CTNND2: variants seen among roughly 807,000 people sequenced by gnomAD.
CTNND2 encodes the protein catenin delta 2.
CTNND2 carries 22 observed loss-of-function variants against 144.4 expected under a neutral mutation model. The ratio of observed to expected loss-of-function variants is 0.15; its 90% CI spans 0.11 to 0.22. The LOEUF is 0.22. Among genes scored for constraint, CTNND2 ranks in the 10% least tolerant of loss-of-function variants. The pLI is 1.00. For missense variants in CTNND2, 1,353 were observed against 1,618.8 expected, an observed-to-expected ratio of 0.84 and a Z score of 2.82; for synonymous variants, 751 against 695.6, an observed-to-expected ratio of 1.08 and a Z score of -1.25.
intron 15 of CTNND2, chr5:11,083,877 T>C: frequency 8.9e-7 from 1 of 1,118,572 alleles, no homozygotes. Flanking sequence ...GAGCTGGCTC[T>C]CACCTGTGGC....
At chr5:11,568,541 G>GTT (rs1177548747) in intron 2 of CTNND2, among the ~76,000 whole-genome samples, 23 of 152,192 alleles carry the variant, frequency 1.5e-4, no homozygotes, top group Admixed American at 1.3e-4. Flanking sequence ...AACAAGAAGA[G>GTT]CTAGAATGGA....
intron 12 of CTNND2, among the ~76,000 whole-genome samples, chr5:11,122,259 A>T (rs1232729326): frequency 6.6e-6 from 1 of 152,184 alleles, no homozygotes; most frequent in African/African-American, 2.4e-5. Context: ...AAAAAAAAAA[A>T]ATAGAAGATG....
intron 15 of CTNND2, among the ~76,000 whole-genome samples, chr5:11,086,207 T>C (rs1217293669): frequency 1.3e-5 from 2 of 152,068 alleles, no homozygotes; most frequent in African/African-American, 4.8e-5. Context: ...GAGGAGGTGG[T>C]TGGATTTCAG....
chr5:11,307,763 GCCTGTTAAAAGT>G (rs1750403924), intron 9 of CTNND2, among the ~76,000 whole-genome samples: 1 of 152,158 alleles, frequency 6.6e-6, no homozygotes, highest in Non-Finnish European at 1.5e-5. Context: ...TCATAGTGCT[GCCTGTTAAAAGT>G]CCTGCTTTAG....
chr5:11,600,705 CAAAA>C (rs755277116), intron 2 of CTNND2, among the ~76,000 whole-genome samples: 1 of 80,604 alleles, frequency 1.2e-5, no homozygotes. Context: ...GATTCTGTCT[CAAAA>C]AAAAAAAAAA....
At chr5:11,232,179 T>C (rs528588081) in intron 10 of CTNND2, among the ~76,000 whole-genome samples, 1 of 152,236 alleles carries the variant, frequency 6.6e-6, no homozygotes, top group Non-Finnish European at 1.5e-5. Context: ...CCTCTGCTAG[T>C]GCAGTGAGGA....
chr5:11,240,842 A>C (rs1742328117), intron 9 of CTNND2, among the ~76,000 whole-genome samples: 1 of 135,368 alleles, frequency 7.4e-6, no homozygotes, highest in African/African-American at 2.8e-5. Flanking sequence ...ACCCCCCAAC[A>C]CACACCCAAC....
chr5:11,231,179 G>A (rs1740969097), intron 10 of CTNND2, among the ~76,000 whole-genome samples: 1 of 152,084 alleles, frequency 6.6e-6, no homozygotes, highest in Non-Finnish European at 1.5e-5. Context: ...ATGATTGTAA[G>A]TTTTCTGAGG....
chr5:11,105,853 T>C (rs1752370455), intron 14 of CTNND2, among the ~76,000 whole-genome samples: 1 of 152,044 alleles, frequency 6.6e-6, no homozygotes, highest in Non-Finnish European at 1.5e-5. Context: ...TCCCAGCATA[T>C]GGTGAGGTGA....
chr5:10,986,070 T>C (rs148978317), intron 20 of CTNND2, among the ~76,000 whole-genome samples: 186 of 152,342 alleles, frequency 1.2e-3, no homozygotes, highest in African/African-American at 4.3e-3. Flanking sequence ...TCTTTCTGGC[T>C]TGCTACATGA....
At chr5:11,163,323 G>A (rs1413441265) in intron 11 of CTNND2, among the ~76,000 whole-genome samples, 1 of 152,182 alleles carries the variant, frequency 6.6e-6, no homozygotes, top group Admixed American at 6.5e-5. Context: ...GCATGGCAAC[G>A]AACTAGGGCT....
At chr5:11,731,427 CTTT>C in intron 2 of CTNND2, among the ~76,000 whole-genome samples, 2 of 152,242 alleles carry the variant, frequency 1.3e-5, no homozygotes, top group Middle Eastern at 6.8e-3. Context: ...ACGCGGCAGG[CTTT>C]TTTACTTAAA....
chr5:11,872,032 T>C (rs1302166984), intron 1 of CTNND2, among the ~76,000 whole-genome samples: 2 of 146,144 alleles, frequency 1.4e-5, no homozygotes, highest in African/African-American at 5.0e-5. Context: ...ATCCCTCCCC[T>C]AGCCCCCCAC....
intron 9 of CTNND2, among the ~76,000 whole-genome samples, chr5:11,314,613 T>C (rs1751314965): frequency 6.6e-6 from 1 of 152,256 alleles, no homozygotes; most frequent in Non-Finnish European, 1.5e-5. Flanking sequence ...GGGATCCTTC[T>C]GCCTCAGCCT....
At chr5:11,519,992 A>C (rs558933142) in intron 3 of CTNND2, among the ~76,000 whole-genome samples, 21 of 151,582 alleles carry the variant, frequency 1.4e-4, no homozygotes, top group Non-Finnish European at 2.5e-4. Flanking sequence ...TAGAATAAAA[A>C]AAAAAACAGC....
At chr5:11,699,435 G>A (rs572633752) in intron 2 of CTNND2, among the ~76,000 whole-genome samples, 4 of 152,150 alleles carry the variant, frequency 2.6e-5, no homozygotes, top group Non-Finnish European at 4.4e-5. Context: ...AGGGAAATAA[G>A]ATTATTTATG....
chr5:10,983,014 G>T (rs556742652), intron 20 of CTNND2, among the ~76,000 whole-genome samples: 4 of 152,288 alleles, frequency 2.6e-5, no homozygotes, highest in South Asian at 4.2e-4. Flanking sequence ...AAGTGGAGTT[G>T]GGAGAGAGGA....
At chr5:11,417,002 G>A (rs1460293365) in intron 3 of CTNND2, among the ~76,000 whole-genome samples, 9 of 152,120 alleles carry the variant, frequency 5.9e-5, no homozygotes, top group Non-Finnish European at 1.0e-4. Flanking sequence ...AATACATAAA[G>A]ACATCAGTGA....
In CTNND2 at chr5:10,981,800, C is replaced by A. The variant is rs371572646; in HGVS notation, c.3390G>T (p.Ala1130=). The change falls in exon 21 of 22, where the codon GCG becomes GCT. Residue 1130 remains alanine (A), a synonymous_variant. Transcript: ENST00000304623. ...GGTTGTGTTTGATGTCTTCAGCGGG[C>A]GCACCATAAGAATTCCTATACAAAG... The part of the protein sequence containing the change: ...ISTLYRNSYG[A]PAEDIKHNQV... The A allele has an allele frequency of 5.0e-6, 8 of 1,613,698 alleles. No homozygotes were observed. The highest frequency in any genetic ancestry group is 1.3e-5 in the African/African-American group (1 of 74,830).
Sources: gnomAD v4.1 joint callset for allele counts (sites outside exome capture counted in the v4.1 genomes callset) on GRCh38, gnomAD v4.1.1 for gene constraint, MANE v1.5 for transcripts, NCBI Gene and HGNC (gene_info 2026-07-23, HGNC 2026-07-21) for gene names.